The following TENM1 variants were observed in gnomAD, a reference collection of about 807,000 sequenced individuals.
The protein encoded by TENM1 is teneurin transmembrane protein 1, also known as teneurin-1.
In TENM1, 35 loss-of-function variants were observed where a neutral mutation model predicts 174.8. The observed-to-expected ratio is 0.20, with a 90% CI of 0.15 to 0.27. The LOEUF is 0.27. Ranked by LOEUF, TENM1 falls within the 10% of genes least tolerant of loss-of-function variation. The pLI is 1.00. For missense variants in TENM1, 1,633 were observed against 2,130.1 expected (o/e 0.77, Z 4.59); for synonymous variants, 781 against 798.7 (o/e 0.98, Z 0.37).
At chrX:124,898,292 G>A (rs751840816) in intron 1 of TENM1, among the ~76,000 whole-genome samples, 27 of 111,159 alleles carry the variant, frequency 2.4e-4, no homozygotes, top group Non-Finnish European at 4.5e-4. Flanking sequence ...CTTTGAAATC[G>A]ACTGCCCTAG....
chrX:125,037,124 C>T, the TENM1 span, among the ~76,000 whole-genome samples: 3 of 111,106 alleles, frequency 2.7e-5, no homozygotes, highest in South Asian at 1.1e-3. Flanking sequence ...TCCTTTATTC[C>T]TTTATTCATC....
intron 5 of TENM1, among the ~76,000 whole-genome samples, chrX:124,685,471 C>T (rs73545910): frequency 0.032 from 3,538 of 110,450 alleles, 135 homozygotes; most frequent in African/African-American, 0.11. Context: ...AGCTCAAAGG[C>T]AGGTCATCTG....
At chrX:124,890,128 C>T (rs1486241973) in intron 3 of TENM1, among the ~76,000 whole-genome samples, 5 of 112,327 alleles carry the variant, frequency 4.5e-5, no homozygotes, top group Non-Finnish European at 9.4e-5. Context: ...TTAAAGATTA[C>T]AATACTTTTT....
the TENM1 span, among the ~76,000 whole-genome samples, chrX:125,194,498 G>T: frequency 9.0e-6 from 1 of 111,315 alleles, no homozygotes; most frequent in African/African-American, 3.3e-5. Context: ...ACACAAGGTT[G>T]ATTCACCTTG....
At chrX:124,526,933 T>C (rs2047989555) in intron 16 of TENM1, among the ~76,000 whole-genome samples, 1 of 112,347 alleles carries the variant, frequency 8.9e-6, no homozygotes, top group South Asian at 3.8e-4. Flanking sequence ...TATCATTAGC[T>C]GAACTATTTA....
chrX:124,563,664 C>A, intron 13 of TENM1, 85 bp downstream of exon 16: 1 of 778,037 alleles, frequency 1.3e-6, no homozygotes, highest in Non-Finnish European at 1.8e-6. Flanking sequence ...ACACAAATGC[C>A]AAAAAACGCT....
At chrX:124,433,168 G>A (rs6649223) in intron 23 of TENM1, among the ~76,000 whole-genome samples, 37,013 of 111,002 alleles carry the variant, frequency 0.33, 4,986 homozygotes, top group East Asian at 0.86. Flanking sequence ...ATCTAATCAC[G>A]GGGAAGACAG....
chrX:125,095,665 C>T, the TENM1 span, among the ~76,000 whole-genome samples: 5 of 111,630 alleles, frequency 4.5e-5, no homozygotes, highest in African/African-American at 1.3e-4. Flanking sequence ...ACAATACAAA[C>T]GCAAATATAC....
the TENM1 span, among the ~76,000 whole-genome samples, chrX:125,159,221 C>T: frequency 1.0e-3 from 112 of 112,128 alleles, 1 homozygote; most frequent in African/African-American, 3.5e-3. Flanking sequence ...GTTTTAAGCC[C>T]CTTAACGTAT....
chrX:124,728,129 A>G (rs895984410), intron 4 of TENM1, among the ~76,000 whole-genome samples: 5 of 111,115 alleles, frequency 4.5e-5, no homozygotes, highest in Non-Finnish European at 9.4e-5. Flanking sequence ...CAGGGAAGAA[A>G]AAGAGACTTT....
chrX:124,939,931 CA>C lies in TENM1; in HGVS notation c.217+23605del, dbSNP rs1191804642. 6.3e-5 allele frequency among the ~76,000 whole-genome samples: 7 copies of C among 111,785 alleles called. No individual in the cohort carries two copies. In the East Asian group the frequency reaches 1.9e-3, roughly 31 times the overall value. ...TTTTTTAATAAAATATATCAATAGC[CA>C]AAATATATTGTTTATTATCAATCTC... On this transcript the variant is annotated intron_variant, in intron 1 of 31. Transcript: ENST00000422452.
At chrX:124,587,416 C>G (rs946850725) in intron 11 of TENM1, among the ~76,000 whole-genome samples, 1 of 108,141 alleles carries the variant, frequency 9.2e-6, no homozygotes, top group Non-Finnish European at 1.9e-5. Flanking sequence ...TTTGACAAAC[C>G]TGAGAAAAAC....
chrX:125,094,946 T>C, the TENM1 span, among the ~76,000 whole-genome samples: 1 of 112,351 alleles, frequency 8.9e-6, no homozygotes, highest in Non-Finnish European at 1.9e-5. Context: ...GTTTTTAATG[T>C]GTGTAAGGCA....
intron 3 of TENM1, among the ~76,000 whole-genome samples, chrX:124,865,891 C>G (rs1051122520): frequency 4.5e-5 from 5 of 111,756 alleles, no homozygotes; most frequent in Non-Finnish European, 9.4e-5. Flanking sequence ...GATTTCAAGA[C>G]AAAAACTATA....
intron 3 of TENM1, among the ~76,000 whole-genome samples, chrX:124,778,455 T>C (rs2054833654): frequency 8.9e-6 from 1 of 112,478 alleles, no homozygotes; most frequent in Admixed American, 9.4e-5. Context: ...GACAAGAATC[T>C]GGGTTTTAGC....
chrX:124,437,104 ATTTTTTTTTTT>A (rs35632932), intron 23 of TENM1, among the ~76,000 whole-genome samples: 11 of 34,917 alleles, frequency 3.2e-4, no homozygotes, highest in Non-Finnish European at 2.8e-4. Flanking sequence ...TGCTCGGCTA[ATTTTTTTTTTT>A]TTTTTTTTTT....
chrX:124,395,577 C>T (rs757293685), intron 27 of TENM1, among the ~76,000 whole-genome samples: 1 of 111,939 alleles, frequency 8.9e-6, no homozygotes, highest in South Asian at 3.7e-4. Context: ...ACTCTTGACT[C>T]TTTATACCAT....
At chrX:124,858,843 C>T (rs1347461599) in intron 3 of TENM1, among the ~76,000 whole-genome samples, 1 of 110,232 alleles carries the variant, frequency 9.1e-6, no homozygotes, top group Admixed American at 9.6e-5. Flanking sequence ...TTTTAACACA[C>T]TGGCATATGA....
At chrX:124,459,472 C>T (rs1160905026) in intron 22 of TENM1, among the ~76,000 whole-genome samples, 3 of 110,484 alleles carry the variant, frequency 2.7e-5, no homozygotes, top group African/African-American at 6.6e-5. Flanking sequence ...CTAGAAAGTG[C>T]TAGTTTAAAG....
Sources: gnomAD v4.1 joint callset for allele counts (sites outside exome capture counted in the v4.1 genomes callset) on GRCh38, gnomAD v4.1.1 for gene constraint, MANE v1.5 for transcripts, NCBI Gene and HGNC (gene_info 2026-07-23, HGNC 2026-07-21) for gene names.